Variants in SNX27 observed in about 807,000 individuals in gnomAD.
The protein encoded by SNX27 is sorting nexin-27.
Under a neutral mutation model 71.6 loss-of-function variants are expected in SNX27, and 22 were observed. The ratio of observed to expected loss-of-function variants is 0.31; its 90% CI spans 0.22 to 0.44. The LOEUF is 0.44. Ranked by LOEUF, SNX27 falls within the 20% of genes least tolerant of loss-of-function variation. The pLI is 1.00. For missense variants in SNX27, 531 were observed against 698.6 expected, an observed-to-expected ratio of 0.76 and a Z score of 2.70; for synonymous variants, 269 against 277.2, an observed-to-expected ratio of 0.97 and a Z score of 0.29.
intron 2 of SNX27, among the ~76,000 whole-genome samples, chr1:151,656,953 T>TATAA (rs1217743468): frequency 6.6e-6 from 1 of 152,172 alleles, no homozygotes; most frequent in Non-Finnish European, 1.5e-5. Flanking sequence ...AAGGATTATA[T>TATAA]ATAAATGCAA....
rs557556385 is a variant in SNX27 at position 151,688,557 on chromosome 1, G to A, written c.1240-3878G>A. Among the ~76,000 whole-genome samples, 14 of 151,582 alleles carry A rather than the reference G, an allele frequency of 9.2e-5. No individual in the cohort carries two copies. In the South Asian group the frequency reaches 2.7e-3, roughly 29 times the overall value. ...TGAGGCAGGAGAATTGCTTGAACCC[G>A]GGAGGCGGAGGTTGCAGTGAGCTGA... On this transcript the variant is annotated intron_variant, in intron 8 of 11. Coordinates refer to ENST00000458013, the MANE Select transcript of SNX27 (RefSeq NM_001330723.2).
chr1:151,686,519 T>G lies in SNX27; in HGVS notation c.1239+3074T>G, dbSNP rs116056179. Reference sequence around the variant, plus strand: ...AAACATTTGTGGAATTAGATTGTCTTGAAAACCTAGTGCCAACATATTTCT... The same window carrying G: ...AAACATTTGTGGAATTAGATTGTCTGGAAAACCTAGTGCCAACATATTTCT... On this transcript the variant is annotated intron_variant, in intron 8 of 11. Transcript: ENST00000458013. Among the ~76,000 whole-genome samples, 634 of 152,370 alleles carry G rather than the reference T, an allele frequency of 4.2e-3. 3 individuals are homozygous for G. Among genetic ancestry groups the G allele is most frequent in the Non-Finnish European group, 5.6e-3 (382 of 68,032 alleles).
chr1:151,636,901 T>A (rs1423749041), intron 1 of SNX27, among the ~76,000 whole-genome samples: 1 of 152,084 alleles, frequency 6.6e-6, no homozygotes, highest in Non-Finnish European at 1.5e-5. Flanking sequence ...CCTCTTTACT[T>A]CTTAAACCTT....
rs1491230530 is a variant in SNX27 at position 151,696,469 on chromosome 1, CTT to C, written c.*2054_*2055del. 1.1e-4 allele frequency: 8 copies of C among 69,862 alleles called. No individual in the cohort carries two copies. The highest frequency in any genetic ancestry group is 4.1e-4 in the African/African-American group (8 of 19,642). The allele number at this position is 69,862 out of a possible 1,614,324, so 4.3% of individuals were successfully genotyped here. A position where few individuals can be genotyped will look rare whatever the true frequency, so the allele number is the denominator to read the frequency against. On this transcript the variant is annotated 3_prime_UTR_variant, in exon 12 of 12. Transcript: ENST00000458013. ...ATCATTGTGAGGCCACTTTTTCTTT[CTT>C]TCTTTCTTTCTTTCTTTCTTTCTTT...
intron 1 of SNX27, among the ~76,000 whole-genome samples, chr1:151,632,066 T>G (rs990240745): frequency 6.6e-6 from 1 of 152,200 alleles, no homozygotes; most frequent in Non-Finnish European, 1.5e-5. Flanking sequence ...TTGCAGTGTT[T>G]GATGAATTTA....
intron 1 of SNX27, among the ~76,000 whole-genome samples, chr1:151,629,030 G>T (rs375019307): frequency 8.6e-5 from 13 of 151,766 alleles, no homozygotes; most frequent in African/African-American, 3.1e-4. Context: ...CATGCTTTTT[G>T]GTGTTGTAGC....
chr1:151,638,858 G>T, intron 1 of SNX27, 30 bp from the exon 2 acceptor site: 1 of 1,608,390 alleles, frequency 6.2e-7, no homozygotes, highest in Non-Finnish European at 8.5e-7. Flanking sequence ...TCTGGTTTAT[G>T]GGATTGTCTT....
intron 1 of SNX27, among the ~76,000 whole-genome samples, chr1:151,617,312 C>T (rs187560965): frequency 1.3e-5 from 2 of 152,206 alleles, no homozygotes; most frequent in Non-Finnish European, 2.9e-5. Flanking sequence ...GCGTTTCACT[C>T]TTGTTGCCCA....
At chr1:151,652,053 TGGCGG>T (rs1206573586) in intron 2 of SNX27, among the ~76,000 whole-genome samples, 1 of 152,004 alleles carries the variant, frequency 6.6e-6, no homozygotes, top group Non-Finnish European at 1.5e-5. Flanking sequence ...CAGTCAGGTG[TGGCGG>T]CGCGAGCCTG....
intron 2 of SNX27, among the ~76,000 whole-genome samples, chr1:151,640,033 T>G (rs1668654494): frequency 6.6e-6 from 1 of 152,170 alleles, no homozygotes; most frequent in African/African-American, 2.4e-5. Flanking sequence ...TACTAAACAT[T>G]TATGGTAAAT....
chr1:151,638,970 G>A lies in SNX27; in HGVS notation c.394G>A (p.Val132Met). 1 of 1,614,108 alleles carries A rather than the reference G, an allele frequency of 6.2e-7. No homozygotes were observed. Among genetic ancestry groups the A allele is most frequent in the East Asian group, 2.2e-5 (1 of 44,884 alleles). ...AGGCGAGAAGGAATTGATCTTGACA[G>A]TGTTATCTGTACCTCCTCATGAGGC... ...RAGEKELILT[V>M]LSVPPHEADN... Residue 132 changes from valine (V) to methionine (M), a missense_variant, in exon 2 of 12, where the codon GTG (valine) becomes ATG (methionine). Val to Met is a conservative substitution (Grantham distance 21, BLOSUM62 1). Transcript: ENST00000458013.
chr1:151,667,939 G>A lies in SNX27; in HGVS notation c.986-533G>A, dbSNP rs113719241. ...TTGGTGCTGTTTGCAGAGTTGTCAT[G>A]TTAACTGATCTGTGTCTTAGTCCAT... On this transcript the variant is annotated intron_variant, in intron 6 of 11. Transcript: ENST00000458013. Among the ~76,000 whole-genome samples the A allele has an allele frequency of 2.0e-5, 3 of 151,586 alleles. 1 individual carries two copies. The highest frequency in any genetic ancestry group is 7.2e-5 in the African/African-American group (3 of 41,380).
chr1:151,692,849 C>A (rs12077740), intron 9 of SNX27, 62 bp from the exon 10 acceptor site: 1 of 1,607,634 alleles, frequency 6.2e-7, no homozygotes, highest in African/African-American at 1.3e-5. Flanking sequence ...GAACCCCCTA[C>A]CTCAGTTCCC....
At position 151,662,283 on chromosome 1, in the gene SNX27, A is replaced by AAC. The variant is rs1253778384; in HGVS notation, c.906+16_906+17dup. ...CCAAGTATATCAGGTAAATTAAATGAACACGTAGACTTGACATTGGATGGT... is the reference window on the plus strand; with the variant it reads ...CCAAGTATATCAGGTAAATTAAATGAACACACGTAGACTTGACATTGGATGGT... On this transcript the variant is annotated intron_variant, in intron 5 of 11. Transcript: ENST00000458013. 3.9e-6 allele frequency: 6 copies of AAC among 1,539,062 alleles called. No individual in the cohort carries two copies. In the South Asian group the frequency reaches 6.7e-5, roughly 17 times the overall value.
At chr1:151,656,027 T>A (rs1669667362) in intron 2 of SNX27, among the ~76,000 whole-genome samples, 1 of 151,950 alleles carries the variant, frequency 6.6e-6, no homozygotes, top group Admixed American at 6.6e-5. Flanking sequence ...ATCCAGACCA[T>A]CCTGGCTAAC....
chr1:151,674,268 AT>A (rs1422448787), intron 7 of SNX27, among the ~76,000 whole-genome samples: 1 of 152,112 alleles, frequency 6.6e-6, no homozygotes, highest in East Asian at 1.9e-4. Context: ...GTAATCTGTT[AT>A]TTTAACCTGG....
chr1:151,648,200 C>T lies in SNX27; in HGVS notation c.543+9081C>T, dbSNP rs114168851. On this transcript the variant is annotated intron_variant, in intron 2 of 11. Coordinates refer to ENST00000458013, the MANE Select transcript of SNX27 (RefSeq NM_001330723.2). ...TCCTGAGTAGCTGTGACCACAGGTG[C>T]GCACCACCACGCCCAGCTCATTTTT... is the stretch of plus-strand genomic sequence containing the variant. 2.0e-3 allele frequency among the ~76,000 whole-genome samples: 300 copies of T among 151,978 alleles called. 1 individual carries two copies. The highest frequency in any genetic ancestry group is 6.9e-3 in the African/African-American group (287 of 41,432).
chr1:151,690,686 A>T (rs1365324920), intron 8 of SNX27, among the ~76,000 whole-genome samples: 1 of 151,522 alleles, frequency 6.6e-6, no homozygotes, highest in Non-Finnish European at 1.5e-5. Flanking sequence ...GGTTCAAGTG[A>T]TCCTCCCACC....
At chr1:151,651,668 A>C (rs958394575) in intron 2 of SNX27, among the ~76,000 whole-genome samples, 1 of 151,002 alleles carries the variant, frequency 6.6e-6, no homozygotes, top group Admixed American at 6.6e-5. Flanking sequence ...GATGCTCCTC[A>C]CTTCCTAGAT....
Sources: allele counts gnomAD v4.1 joint callset (sites outside exome capture counted in the v4.1 genomes callset), GRCh38; gene constraint gnomAD v4.1.1; transcripts MANE v1.5; gene names NCBI Gene and HGNC (gene_info 2026-07-23, HGNC 2026-07-21).